Variants in ERCC6L2 observed in about 807,000 individuals in gnomAD.
ERCC6L2 encodes the protein ERCC excision repair 6 like 2.
Under a neutral mutation model 132.0 loss-of-function variants are expected in ERCC6L2, and 77 were observed. That is an observed-to-expected ratio of 0.58 (90% CI 0.49 to 0.71). The LOEUF is 0.71. ERCC6L2 is among the 30% of genes least tolerant of loss of function. The probability of loss-of-function intolerance (pLI) is 0.00; values close to 1 mark genes in which losing one functional copy is unlikely to be tolerated. For synonymous variants in ERCC6L2, 583 were observed against 632.4 expected, an observed-to-expected ratio of 0.92 and a Z score of 1.17; for missense variants, 1,542 against 1,837.6, an observed-to-expected ratio of 0.84 and a Z score of 2.94.
intron 13 of ERCC6L2, 80 bp downstream of exon 13, chr9:95,956,093 G>A (rs936478314): frequency 1.3e-5 from 10 of 762,070 alleles, no homozygotes; most frequent in African/African-American, 3.6e-5. Flanking sequence ...TGTGTAAAAT[G>A]TAAGTTTTAA....
intron 17 of ERCC6L2, among the ~76,000 whole-genome samples, chr9:95,988,030 G>T (rs1833160506): frequency 6.6e-6 from 1 of 152,160 alleles, no homozygotes; most frequent in African/African-American, 2.4e-5. Context: ...TTTAGCCATG[G>T]CTAGAGCGGC....
rs1470496650 is a variant in ERCC6L2 at position 95,978,110 on chromosome 9, A to G, written c.3387A>G (p.Gly1129=). 3.7e-6 allele frequency: 5 copies of G among 1,367,390 alleles called. No homozygotes were observed. The highest frequency in any genetic ancestry group is 3.9e-6 in the Non-Finnish European group (4 of 1,021,790). 84.7% of individuals were successfully genotyped at this position (1,367,390 alleles called of 1,614,324 possible). The change falls in exon 17 of 19, where the codon GGA becomes GGG. Residue 1129 remains glycine (G), a synonymous_variant. Coordinates refer to ENST00000653738, the MANE Select transcript of ERCC6L2 (RefSeq NM_020207.7). The part of the protein sequence containing the change: ...AYIHSNQNVI[G]SSKAENHMSR... ...TTCACTCAAACCAGAATGTAATTGG[A>G]TCGAGCAAAGCTGAAAATCACATGA... is the stretch of plus-strand genomic sequence containing the variant.
chr9:96,013,167 A>G lies in ERCC6L2; in HGVS notation c.4617A>G (p.Thr1539=), dbSNP rs368004180. The G allele has an allele frequency of 2.0e-5, 28 of 1,365,890 alleles. No individual in the cohort carries two copies. Among genetic ancestry groups the G allele is most frequent in the Non-Finnish European group, 2.5e-5 (26 of 1,021,450 alleles). 84.6% of individuals were successfully genotyped at this position (1,365,890 alleles called of 1,614,324 possible). ...FLWKKFSPSD[T]DENATNTQST... ...GGAAGAAATTTAGCCCAAGTGATACAGATGAAAACGCAACCAATACACAGA... is the reference window on the plus strand; with the variant it reads ...GGAAGAAATTTAGCCCAAGTGATACGGATGAAAACGCAACCAATACACAGA... Residue 1539 remains threonine (T), a synonymous_variant, in exon 19 of 19, where the codon ACA becomes ACG. Transcript: ENST00000653738.
intron 6 of ERCC6L2, among the ~76,000 whole-genome samples, chr9:95,917,239 A>G (rs1200641095): frequency 1.3e-5 from 2 of 152,216 alleles, no homozygotes; most frequent in African/African-American, 2.4e-5. Flanking sequence ...GGAAAACTAC[A>G]TTGTTAAATT....
chr9:95,982,190 A>G (rs1197037355), intron 17 of ERCC6L2, among the ~76,000 whole-genome samples: 1 of 152,104 alleles, frequency 6.6e-6, no homozygotes, highest in Non-Finnish European at 1.5e-5. Flanking sequence ...GAGAGAACTA[A>G]GCATGCTGTC....
chr9:95,970,630 G>C lies in ERCC6L2; in HGVS notation c.2155G>C (p.Gly719Arg), dbSNP rs1418513934. 15 of 1,303,298 alleles carry C rather than the reference G, an allele frequency of 1.2e-5. No homozygotes were observed. In the African/African-American group the frequency reaches 2.1e-4, roughly 19 times the overall value. The allele number at this position is 1,303,298 out of a possible 1,614,324, so 80.7% of individuals were successfully genotyped here. A position where few individuals can be genotyped will look rare whatever the true frequency, so the allele number is the denominator to read the frequency against. The stretch of plus-strand genomic sequence containing the variant: ...GACAGCCACAACATGGTTGAAAGAG[G>C]GACCTCCAGCACACAAACTGGAAAT... ...IMTATTWLKE[G>R]PPAHKLEMPR... is the part of the protein sequence containing the mutation. Residue 719 changes from glycine (G) to arginine (R), a missense_variant, in exon 15 of 19, where the codon GGA becomes CGA. By Grantham distance (125) the Gly-to-Arg change is moderately radical (BLOSUM62 -2). Transcript: ENST00000653738.
At chr9:95,929,261 T>G (rs1587924318) in intron 11 of ERCC6L2, 1 of 158,486 alleles carries the variant, frequency 6.3e-6, no homozygotes, top group Non-Finnish European at 1.4e-5. Flanking sequence ...GGCTAGGGGC[T>G]CACGTTTCCC....
intron 16 of ERCC6L2, among the ~76,000 whole-genome samples, chr9:95,975,900 C>G (rs1832650371): frequency 6.6e-6 from 1 of 151,850 alleles, no homozygotes; most frequent in South Asian, 2.1e-4. Flanking sequence ...TAAGTCTTTC[C>G]TAAGTTCTTA....
chr9:95,999,526 A>G (rs1044684503), intron 17 of ERCC6L2, among the ~76,000 whole-genome samples: 1 of 152,254 alleles, frequency 6.6e-6, no homozygotes, highest in East Asian at 1.9e-4. Flanking sequence ...ATCTGTATAC[A>G]TGTGAGCTTT....
chr9:95,987,240 T>C (rs1223178863), intron 17 of ERCC6L2, among the ~76,000 whole-genome samples: 1 of 152,210 alleles, frequency 6.6e-6, no homozygotes, highest in Non-Finnish European at 1.5e-5. Flanking sequence ...CAGTCATGCC[T>C]TCCCAACAGT....
chr9:95,918,207 C>A, intron 6 of ERCC6L2: 1 of 474,116 alleles, frequency 2.1e-6, no homozygotes, highest in Admixed American at 2.3e-5. Flanking sequence ...GCCCTGTAGA[C>A]ATGATGAGAC....
chr9:95,990,880 T>C (rs950018648), intron 17 of ERCC6L2, among the ~76,000 whole-genome samples: 2 of 152,086 alleles, frequency 1.3e-5, no homozygotes, highest in African/African-American at 2.4e-5. Flanking sequence ...TCATATGAAC[T>C]GTTTGAAAGG....
At chr9:95,988,373 A>T (rs192296417) in intron 17 of ERCC6L2, among the ~76,000 whole-genome samples, 146 of 152,302 alleles carry the variant, frequency 9.6e-4, no homozygotes, top group Non-Finnish European at 1.4e-3. Context: ...TGGTAAGTTG[A>T]TGTTTTATTT....
chr9:95,896,380 TTTTG>T (rs201374421), intron 2 of ERCC6L2, among the ~76,000 whole-genome samples: 59 of 151,712 alleles, frequency 3.9e-4, no homozygotes, highest in South Asian at 8.3e-4. Context: ...CTATTTGTTT[TTTTG>T]TTTGTTTGTT....
intron 6 of ERCC6L2, among the ~76,000 whole-genome samples, chr9:95,917,872 A>G (rs1401170459): frequency 6.6e-6 from 1 of 152,224 alleles, no homozygotes; most frequent in Non-Finnish European, 1.5e-5. Flanking sequence ...TGCATGACAC[A>G]TAAGAAATAT....
rs371235251 is a variant in ERCC6L2 at position 95,982,367 on chromosome 9, G to T, written c.3492+4152G>T. On this transcript the variant is annotated intron_variant, in intron 17 of 18. Coordinates refer to ENST00000653738, the MANE Select transcript of ERCC6L2 (RefSeq NM_020207.7). ...TAGATTACTTAAAGGATTTCTGTGAGCTACGGTGGGTTTGATTGCAGTATG... is the reference window on the plus strand; with the variant it reads ...TAGATTACTTAAAGGATTTCTGTGATCTACGGTGGGTTTGATTGCAGTATG... Among the ~76,000 whole-genome samples the T allele has an allele frequency of 2.6e-5, 4 of 152,134 alleles. No individual in the cohort carries two copies. In the East Asian group the frequency reaches 5.8e-4, roughly 22 times the overall value.
intron 19 of ERCC6L2, among the ~76,000 whole-genome samples, chr9:96,029,315 A>C (rs561442597): frequency 8.6e-5 from 13 of 150,964 alleles, no homozygotes; most frequent in South Asian, 8.5e-4. Context: ...AAAAAAAAAA[A>C]AAAAAAAACA....
At chr9:95,989,955 A>G (rs1357691825) in intron 17 of ERCC6L2, among the ~76,000 whole-genome samples, 2 of 152,214 alleles carry the variant, frequency 1.3e-5, no homozygotes, top group Non-Finnish European at 2.9e-5. Context: ...AAATGTGACA[A>G]TGTGTTTGGC....
At chr9:95,962,721 A>G (rs1831967006) in intron 13 of ERCC6L2, among the ~76,000 whole-genome samples, 1 of 152,180 alleles carries the variant, frequency 6.6e-6, no homozygotes, top group Admixed American at 6.6e-5. Flanking sequence ...GATGGTGCTA[A>G]AATGATACCT....
Sources: allele counts gnomAD v4.1 joint callset (sites outside exome capture counted in the v4.1 genomes callset), GRCh38; gene constraint gnomAD v4.1.1; transcripts MANE v1.5; gene names NCBI Gene and HGNC (gene_info 2026-07-23, HGNC 2026-07-21).